The following ARHGEF9 variants were observed in gnomAD, a reference collection of about 807,000 sequenced individuals.
The protein encoded by ARHGEF9 is rho guanine nucleotide exchange factor 9.
ARHGEF9 carries 2 observed loss-of-function variants against 41.3 expected under a neutral mutation model. That is an observed-to-expected ratio of 0.05 (90% confidence interval 0.02 to 0.15). The LOEUF is 0.15. Among genes scored for constraint, ARHGEF9 ranks in the 10% least tolerant of loss-of-function variants. The pLI is 1.00. For missense variants in ARHGEF9, 225 were observed against 424.7 expected, an observed-to-expected ratio of 0.53 and a Z score of 4.13; for synonymous variants, 160 against 154.4, an observed-to-expected ratio of 1.04 and a Z score of -0.27.
In ARHGEF9 at chrX:63,765,980, G is replaced by A. The variant is rs1396254217; in HGVS notation, c.30+19136C>T. Among the ~76,000 whole-genome samples, 3 of 112,121 alleles carry A rather than the reference G, an allele frequency of 2.7e-5. No individual in the cohort carries two copies. In the Admixed American group the frequency reaches 2.8e-4, roughly 11 times the overall value. On this transcript the variant is annotated intron_variant, in intron 1 of 9. Transcript: ENST00000671741. ...ATGACAACCTTGTGAGGGAAATGCA[G>A]CAGGAAATAGGAACCTAAAATTTTA...
Position 63,749,474 on chromosome X carries a change from A to G in ARHGEF9, c.31-24763T>C, listed in dbSNP as rs782546118. ...TCGAAATCCTGACCTCAGGTGATCC[A>G]CCGGCCTCAGCCTCCCAAAGTGCTG... On this transcript the variant is annotated intron_variant, in intron 1 of 9. Transcript: ENST00000671741. Among the ~76,000 whole-genome samples the G allele has an allele frequency of 8.1e-5, 9 of 111,121 alleles. No homozygotes were observed. The South Asian group carries it at 2.7e-3, about 33-fold the overall frequency.
At chrX:63,666,453 T>TACAC (rs782805278) in intron 6 of ARHGEF9, among the ~76,000 whole-genome samples, 3,200 of 81,190 alleles carry the variant, frequency 0.039, 120 homozygotes, top group African/African-American at 0.094. Context: ...TATATATACA[T>TACAC]ACACACACAC....
At chrX:63,755,563 G>C (rs1556446314) in intron 1 of ARHGEF9, among the ~76,000 whole-genome samples, 1 of 111,150 alleles carries the variant, frequency 9.0e-6, no homozygotes, top group Non-Finnish European at 1.9e-5. Flanking sequence ...GTGGGGAAAG[G>C]CAGAAAAAAG....
intron 1 of ARHGEF9, among the ~76,000 whole-genome samples, chrX:63,780,973 G>A (rs1419829866): frequency 9.0e-6 from 1 of 111,178 alleles, no homozygotes; most frequent in Non-Finnish European, 1.9e-5. Flanking sequence ...TGATTATAAA[G>A]ACAAAAAAAA....
intron 6 of ARHGEF9, among the ~76,000 whole-genome samples, chrX:63,668,140 T>A (rs1208316898): frequency 9.0e-6 from 1 of 110,833 alleles, no homozygotes; most frequent in Non-Finnish European, 1.9e-5. Context: ...TACATTTTTT[T>A]TTTTCTTTTT....
chrX:63,750,215 A>T (rs2055537354), intron 1 of ARHGEF9, among the ~76,000 whole-genome samples: 1 of 112,034 alleles, frequency 8.9e-6, no homozygotes, highest in African/African-American at 3.3e-5. Context: ...GACAAAGGCT[A>T]AAGAGGAAGA....
At chrX:63,643,148 G>C (rs1458986383) in intron 9 of ARHGEF9, among the ~76,000 whole-genome samples, 1 of 111,739 alleles carries the variant, frequency 8.9e-6, no homozygotes, top group African/African-American at 3.2e-5. Context: ...GTTTTGTTCT[G>C]GTTCATGAGA....
chrX:63,752,996 G>A (rs1297709672), intron 1 of ARHGEF9, among the ~76,000 whole-genome samples: 1 of 112,333 alleles, frequency 8.9e-6, no homozygotes, highest in Non-Finnish European at 1.9e-5. Context: ...AATGGAATGG[G>A]GAAAGCCTGC....
chrX:63,701,630 T>C (rs1556395870), intron 3 of ARHGEF9: 1 of 111,903 alleles, frequency 8.9e-6, no homozygotes, highest in Non-Finnish European at 1.9e-5. Flanking sequence ...CTCTTTGAGA[T>C]AGGAAACCCT....
intron 4 of ARHGEF9, among the ~76,000 whole-genome samples, chrX:63,694,997 A>C (rs1218413484): frequency 2.7e-5 from 3 of 112,658 alleles, no homozygotes; most frequent in African/African-American, 9.7e-5. Context: ...CAGTAATACA[A>C]TGTTCATTTC....
At chrX:63,743,010 T>A (rs1349809310) in intron 1 of ARHGEF9, among the ~76,000 whole-genome samples, 1 of 111,465 alleles carries the variant, frequency 9.0e-6, no homozygotes. Flanking sequence ...CTGAGGTGGG[T>A]GGATCACTTG....
intron 1 of ARHGEF9, among the ~76,000 whole-genome samples, chrX:63,746,373 T>A (rs2055274462): frequency 8.9e-6 from 1 of 111,833 alleles, no homozygotes; most frequent in Admixed American, 9.4e-5. Context: ...GCTCCTTTCT[T>A]CAAAGCTTCC....
At chrX:63,764,750 A>G (rs2056086668) in intron 1 of ARHGEF9, among the ~76,000 whole-genome samples, 1 of 111,473 alleles carries the variant, frequency 9.0e-6, no homozygotes, top group South Asian at 3.8e-4. Context: ...GTTTTCCCTT[A>G]TAAGTGGGAG....
chrX:63,781,553 G>A (rs1403614753), intron 1 of ARHGEF9, among the ~76,000 whole-genome samples: 21 of 111,747 alleles, frequency 1.9e-4, no homozygotes, highest in African/African-American at 6.8e-4. Flanking sequence ...TGATCAGAAA[G>A]GAGAAAGACA....
intron 6 of ARHGEF9, among the ~76,000 whole-genome samples, chrX:63,666,800 T>C (rs187990439): frequency 8.9e-5 from 10 of 111,984 alleles, no homozygotes; most frequent in Non-Finnish European, 7.5e-5. Context: ...GAACTACTTA[T>C]CCTCCTTGCT....
chrX:63,663,151 CA>C, intron 7 of ARHGEF9, among the ~76,000 whole-genome samples: 1 of 111,741 alleles, frequency 8.9e-6, no homozygotes, highest in South Asian at 3.8e-4. Context: ...CCCTTTGAAA[CA>C]AGTTTATGAC....
chrX:63,674,158 C>T lies in ARHGEF9; in HGVS notation c.825G>A (p.Arg275=). 1 of 1,210,603 alleles carries T rather than the reference C, an allele frequency of 8.3e-7. No individual in the cohort carries two copies. ...KYTAQDHSDY[R]YVAAALAVMR... ...TGACAGCCAAAGCAGCTGCCACATA[C>T]CTGTAGTCACTGTGAAAACAAAAGA... is the stretch of plus-strand genomic sequence containing the variant. Residue 275 remains arginine (R), a synonymous_variant, in exon 6 of 10, where the codon AGG becomes AGA. Transcript: ENST00000671741.
chrX:63,638,083 C>T lies in ARHGEF9; in HGVS notation c.1517G>A (p.Arg506His), dbSNP rs781858542. The change falls in exon 10 of 10, where the codon CGC becomes CAC. Residue 506 changes from arginine to histidine, a missense_variant. Arg to His is a conservative substitution (Grantham distance 29). Around this residue, in one of 3 missense-constraint regions of ARHGEF9, gnomAD observed 75 missense variants for 113.2 expected, o/e 0.66. Coordinates refer to ENST00000671741, the MANE Select transcript of ARHGEF9 (RefSeq NM_001353921.2). The part of the protein sequence containing the change: ...SQVFEFTEPK[R>H]SQSPFWQNFS... ...GTTTTGCCAGAATGGTGACTGGCTG[C>T]GCTTGGGTTCGGTGAACTCAAAGAC... 5.0e-6 allele frequency: 6 copies of T among 1,207,936 alleles called. No individual in the cohort carries two copies. Among genetic ancestry groups the T allele is most frequent in the East Asian group, 3.0e-5 (1 of 33,713 alleles).
intron 7 of ARHGEF9, chrX:63,656,593 T>C (rs1319569048): frequency 1.8e-5 from 2 of 112,007 alleles, no homozygotes; most frequent in African/African-American, 6.5e-5. Context: ...CTAAATCCTA[T>C]GTTCATCATT....
Sources: allele counts gnomAD v4.1 joint callset (sites outside exome capture counted in the v4.1 genomes callset), GRCh38; gene constraint gnomAD v4.1.1; regional missense constraint gnomAD v4.1.1; transcripts MANE v1.5; gene names NCBI Gene and HGNC (gene_info 2026-07-23, HGNC 2026-07-21).